Variants in RASEF observed in about 807,000 individuals in gnomAD.
RASEF encodes the protein ras and EF-hand domain-containing protein.
A neutral mutation model predicts 90.1 loss-of-function variants in RASEF; 68 were observed. That is an observed-to-expected ratio of 0.75 (90% confidence interval 0.62 to 0.92). The LOEUF (loss-of-function observed/expected upper bound fraction) is 0.92, where lower values mean the gene tolerates loss of function less well. Among genes scored for constraint, RASEF ranks in the 40% least tolerant of loss-of-function variants. The probability of loss-of-function intolerance (pLI) is 0.00; values close to 1 mark genes in which losing one functional copy is unlikely to be tolerated. For missense variants in RASEF, 949 were observed against 937.2 expected, an observed-to-expected ratio of 1.01 and a Z score of -0.16; for synonymous variants, 331 against 345.2, an observed-to-expected ratio of 0.96 and a Z score of 0.46.
chr9:83,025,095 A>T (rs1829520067), intron 2 of RASEF, among the ~76,000 whole-genome samples: 1 of 150,720 alleles, frequency 6.6e-6, no homozygotes, highest in Admixed American at 6.6e-5. Context: ...ACACATATAA[A>T]TTGTTTTTTT....
At chr9:83,071,550 C>T in the RASEF span, among the ~76,000 whole-genome samples, 4 of 152,150 alleles carry the variant, frequency 2.6e-5, no homozygotes, top group South Asian at 4.2e-4. Flanking sequence ...GAACCACAGG[C>T]GCACACCACC....
intron 1 of RASEF, among the ~76,000 whole-genome samples, chr9:83,043,832 A>C (rs1011395135): frequency 2.6e-5 from 4 of 152,076 alleles, no homozygotes; most frequent in Non-Finnish European, 4.4e-5. Flanking sequence ...CAAACTATTC[A>C]GGGATTCTGT....
the RASEF span, among the ~76,000 whole-genome samples, chr9:83,195,795 G>A: frequency 6.6e-6 from 1 of 152,164 alleles, no homozygotes; most frequent in South Asian, 2.1e-4. Context: ...GAGGGACACT[G>A]GAAGCCATTA....
chr9:83,201,269 T>A, the RASEF span: 1 of 152,248 alleles, frequency 6.6e-6, no homozygotes, highest in African/African-American at 2.4e-5. Context: ...CCCACTGCAT[T>A]CGGCCTTCAA....
chr9:83,000,909 G>A lies in RASEF; in HGVS notation c.1424C>T (p.Ala475Val). 6.2e-7 allele frequency: 1 copy of A among 1,613,540 alleles called. No homozygotes were observed. Among genetic ancestry groups the A allele is most frequent in the Non-Finnish European group, 8.5e-7 (1 of 1,179,498 alleles). Residue 475 changes from alanine to valine, a missense_variant, in exon 10 of 17, where the codon GCT becomes GTT. This residue lies in a region of RASEF where 288 missense variants were observed against 328.4 expected (regional missense o/e 0.88). Coordinates refer to ENST00000376447, the MANE Select transcript of RASEF (RefSeq NM_152573.4). ...TCTGGGGCTTACATCTGTGTCTGAA[G>A]CATCACCTCCAAAGCTCTCCTGCAC... ...HGVQESFGGD[A>V]SDTDVPDIRD...
chr9:83,037,350 G>T (rs926280350), intron 1 of RASEF, among the ~76,000 whole-genome samples: 25 of 152,052 alleles, frequency 1.6e-4, no homozygotes, highest in African/African-American at 5.8e-4. Flanking sequence ...TCCAGCACTG[G>T]TTTGTTTTTT....
chr9:83,095,269 G>C, the RASEF span, among the ~76,000 whole-genome samples: 1 of 151,914 alleles, frequency 6.6e-6, no homozygotes, highest in South Asian at 2.1e-4. Context: ...AACTGAGATA[G>C]TGAGATGAAT....
the RASEF span, among the ~76,000 whole-genome samples, chr9:83,131,923 T>C: frequency 6.6e-6 from 1 of 152,146 alleles, no homozygotes; most frequent in Non-Finnish European, 1.5e-5. Flanking sequence ...CTGGTAATAA[T>C]GGTCTAAAAC....
At chr9:83,103,789 T>C in the RASEF span, among the ~76,000 whole-genome samples, 1 of 152,234 alleles carries the variant, frequency 6.6e-6, no homozygotes, top group Non-Finnish European at 1.5e-5. Flanking sequence ...CTTGATCTTT[T>C]CACTAGTTCC....
chr9:83,049,707 A>G (rs1354440437), intron 1 of RASEF, among the ~76,000 whole-genome samples: 63 of 36,872 alleles, frequency 1.7e-3, no homozygotes, highest in Non-Finnish European at 2.8e-3. Flanking sequence ...CGACCCCACC[A>G]CAGTCCCCAG....
the RASEF span, among the ~76,000 whole-genome samples, chr9:83,159,318 A>C: frequency 6.6e-6 from 1 of 152,224 alleles, no homozygotes; most frequent in African/African-American, 2.4e-5. Context: ...TAAATGTTCT[A>C]CATGGACACT....
At chr9:83,190,340 T>A in the RASEF span, among the ~76,000 whole-genome samples, 1 of 152,200 alleles carries the variant, frequency 6.6e-6, no homozygotes, top group African/African-American at 2.4e-5. Context: ...ACTAAACCAT[T>A]TTAAAATATA....
intron 16 of RASEF, among the ~76,000 whole-genome samples, chr9:82,985,182 C>T (rs1164862814): frequency 6.6e-6 from 1 of 152,124 alleles, no homozygotes; most frequent in Non-Finnish European, 1.5e-5. Context: ...GATAAAAACA[C>T]TCAAAAGTGG....
chr9:83,014,404 G>A (rs985695441), intron 4 of RASEF, among the ~76,000 whole-genome samples: 8 of 151,950 alleles, frequency 5.3e-5, no homozygotes, highest in African/African-American at 1.5e-4. Context: ...AGCTTCAAGT[G>A]ATCCTTCCAC....
chr9:83,149,955 C>G, the RASEF span, among the ~76,000 whole-genome samples: 12 of 152,232 alleles, frequency 7.9e-5, no homozygotes, highest in African/African-American at 2.6e-4. Flanking sequence ...GGTTTAAGGG[C>G]TATCCCACAA....
intron 13 of RASEF, 48 bp from the exon 14 acceptor site, chr9:82,997,174 C>A (rs973354256): frequency 1.0e-5 from 12 of 1,168,962 alleles, no homozygotes; most frequent in Non-Finnish European, 1.5e-5. Flanking sequence ...TTGCCTCATT[C>A]TTCTTCTCTT....
Position 83,000,262 on chromosome 9 carries a change from T to C in RASEF, c.1630A>G (p.Ile544Val), listed in dbSNP as rs747135098. ...KSFSSQKAYK[I>V]VLAGDAAVGK... is the part of the protein sequence containing the mutation. ...ACTGCAGCGTCCCCAGCAAGTACAATCTTGTAAGCCTTCTGTGAGCTAAAA... is the reference window on the plus strand; with the variant it reads ...ACTGCAGCGTCCCCAGCAAGTACAACCTTGTAAGCCTTCTGTGAGCTAAAA... Residue 544 changes from isoleucine (I) to valine (V), a missense_variant, in exon 12 of 17, where the codon ATT becomes GTT. Coordinates refer to ENST00000376447, the MANE Select transcript of RASEF (RefSeq NM_152573.4). 1 of 1,614,032 alleles carries C rather than the reference T, an allele frequency of 6.2e-7. No homozygotes were observed. The highest frequency in any genetic ancestry group is 2.2e-5 in the East Asian group (1 of 44,862).
At chr9:83,082,921 CTAATA>C in the RASEF span, among the ~76,000 whole-genome samples, 2 of 152,248 alleles carry the variant, frequency 1.3e-5, no homozygotes, top group Middle Eastern at 3.4e-3. Context: ...TCTGATAAAT[CTAATA>C]TAAGATCATG....
chr9:83,027,094 T>C (rs564727051), intron 1 of RASEF, among the ~76,000 whole-genome samples: 1 of 152,218 alleles, frequency 6.6e-6, no homozygotes, highest in East Asian at 1.9e-4. Flanking sequence ...CAGTTTATCA[T>C]AAAGAATATA....
Sources: allele counts gnomAD v4.1 joint callset (sites outside exome capture counted in the v4.1 genomes callset), GRCh38; gene constraint gnomAD v4.1.1; regional missense constraint gnomAD v4.1.1; transcripts MANE v1.5; gene names NCBI Gene and HGNC (gene_info 2026-07-23, HGNC 2026-07-21).